The following RNF216 variants were observed in gnomAD, a reference collection of about 807,000 sequenced individuals.
RNF216 encodes the protein ring finger protein 216, also known as E3 ubiquitin-protein ligase RNF216.
A neutral mutation model predicts 110.8 loss-of-function variants in RNF216; 72 were observed. That is an observed-to-expected ratio of 0.65 (90% CI 0.54 to 0.79). The LOEUF is 0.79. Among genes scored for constraint, RNF216 ranks in the 30% least tolerant of loss-of-function variants. The pLI, the probability that RNF216 is intolerant of heterozygous loss-of-function variation, is 0.00. For synonymous variants in RNF216, 495 were observed against 407.5 expected, an observed-to-expected ratio of 1.21 and a Z score of -2.59; for missense variants, 1,342 against 1,141.2, an observed-to-expected ratio of 1.18 and a Z score of -2.54.
intron 13 of RNF216, among the ~76,000 whole-genome samples, chr7:5,666,959 C>G (rs2128591152): frequency 6.6e-6 from 1 of 152,200 alleles, no homozygotes; most frequent in East Asian, 1.9e-4. Context: ...TGACCACAGG[C>G]ACATGCCACC....
chr7:5,740,507 A>C (rs1794694311), intron 4 of RNF216, among the ~76,000 whole-genome samples: 1 of 152,270 alleles, frequency 6.6e-6, no homozygotes, highest in South Asian at 2.1e-4. Flanking sequence ...TGATGAGGTA[A>C]GCTGTTAGCC....
intron 7 of RNF216, among the ~76,000 whole-genome samples, chr7:5,727,815 C>T (rs1310418332): frequency 2.6e-5 from 4 of 151,896 alleles, no homozygotes; most frequent in Non-Finnish European, 5.9e-5. Context: ...CTGCCTCCTC[C>T]GCTTGGTCTT....
intron 13 of RNF216, among the ~76,000 whole-genome samples, chr7:5,710,429 T>C (rs141829014): frequency 0.022 from 3,347 of 151,832 alleles, 51 homozygotes; most frequent in Middle Eastern, 0.052. Flanking sequence ...TTCTTTGGCC[T>C]TCCCAATTGT....
chr7:5,747,857 C>T (rs1795116852), intron 3 of RNF216, among the ~76,000 whole-genome samples: 1 of 150,802 alleles, frequency 6.6e-6, no homozygotes, highest in Admixed American at 6.6e-5. Context: ...TAGCTCACTA[C>T]AGCCTTGAAT....
intron 13 of RNF216, among the ~76,000 whole-genome samples, chr7:5,703,204 T>G (rs2128622385): frequency 6.6e-6 from 1 of 152,304 alleles, no homozygotes; most frequent in Middle Eastern, 3.4e-3. Context: ...TAAAAATCTT[T>G]TTGTTACCCA....
chr7:5,690,423 C>CT (rs1002588962), intron 13 of RNF216, among the ~76,000 whole-genome samples: 46 of 151,938 alleles, frequency 3.0e-4, no homozygotes, highest in Non-Finnish European at 6.0e-4. Flanking sequence ...GTTTTGGTGA[C>CT]TGACTGCTTT....
chr7:5,676,325 G>C (rs1229837786), intron 13 of RNF216, among the ~76,000 whole-genome samples: 1 of 152,150 alleles, frequency 6.6e-6, no homozygotes, highest in African/African-American at 2.4e-5. Context: ...CCATGCCAAA[G>C]AAATTTCTTT....
intron 3 of RNF216, among the ~76,000 whole-genome samples, chr7:5,743,782 G>A (rs1014952384): frequency 6.6e-6 from 1 of 152,194 alleles, no homozygotes; most frequent in African/African-American, 2.4e-5. Context: ...GCTTTAGGGT[G>A]GGTCCCTGAG....
intron 13 of RNF216, among the ~76,000 whole-genome samples, chr7:5,666,165 C>CAAA (rs575439935): frequency 1.5e-5 from 1 of 65,494 alleles, no homozygotes; most frequent in Non-Finnish European, 3.4e-5. Flanking sequence ...GACTCCGTCT[C>CAAA]AAAAAAAAAA....
At chr7:5,623,316 C>T in intron 16 of RNF216, 137 bp from the exon 17 acceptor site, 3 of 648,440 alleles carry the variant, frequency 4.6e-6, no homozygotes, top group Non-Finnish European at 5.0e-6. Context: ...GGACACCTCC[C>T]AAATGCCACT....
Position 5,775,626 on chromosome 7 carries a change from T to C in RNF216, c.-70+5915A>G, listed in dbSNP as rs558303167. Among the ~76,000 whole-genome samples the C allele has an allele frequency of 2.6e-5, 4 of 151,908 alleles. No homozygotes were observed. The East Asian group carries it at 7.7e-4, about 29-fold the overall frequency. Reference sequence around the variant, plus strand: ...GGCTCACACCTGTAATCCCAAAACTTTGAGAGGCCGAGGTGAGTGGATTAT... The same window carrying C: ...GGCTCACACCTGTAATCCCAAAACTCTGAGAGGCCGAGGTGAGTGGATTAT... On this transcript the variant is annotated intron_variant, in intron 1 of 16. Transcript: ENST00000389902.
intron 13 of RNF216, among the ~76,000 whole-genome samples, chr7:5,663,452 C>T (rs561845081): frequency 6.6e-6 from 1 of 152,072 alleles, no homozygotes; most frequent in East Asian, 1.9e-4. Context: ...GGTGTGGTGG[C>T]GTTCGCCTGT....
rs1472179313 is a variant in RNF216, at chr7:5,624,402, G to T, written c.2383-277C>A. On this transcript the variant is annotated intron_variant, in intron 15 of 16. Transcript: ENST00000389902. The surrounding 1 kb of genome is among the most constrained non-coding windows in gnomAD (Gnocchi z 4.4). ...CTGCCTGGTGAGGTGGGGGGATGGA[G>T]GGCCTCCATGCACTGAGCTGCGTGC... Among the ~76,000 whole-genome samples the T allele has an allele frequency of 2.6e-5, 4 of 152,252 alleles. No homozygotes were observed. The highest frequency in any genetic ancestry group is 9.6e-5 in the African/African-American group (4 of 41,472).
At chr7:5,773,816 C>T (rs899139133) in intron 1 of RNF216, among the ~76,000 whole-genome samples, 6 of 152,200 alleles carry the variant, frequency 3.9e-5, no homozygotes, top group African/African-American at 1.4e-4. Context: ...ATCTGCCTGC[C>T]TCAGCCTCCC....
intron 15 of RNF216, among the ~76,000 whole-genome samples, chr7:5,629,011 A>G (rs1302975685): frequency 6.6e-6 from 1 of 152,006 alleles, no homozygotes; most frequent in Non-Finnish European, 1.5e-5. Flanking sequence ...CAGTGTGGCT[A>G]ACACGGTGAA....
chr7:5,663,660 G>T (rs1473570054), intron 13 of RNF216, among the ~76,000 whole-genome samples: 1 of 151,386 alleles, frequency 6.6e-6, no homozygotes, highest in African/African-American at 2.4e-5. Flanking sequence ...CAGCACTTTG[G>T]GAGGCTGAGG....
At chr7:5,725,517 T>C (rs1362787547) in intron 7 of RNF216, 79 bp from the exon 8 acceptor site, 1 of 830,938 alleles carries the variant, frequency 1.2e-6, no homozygotes, top group Non-Finnish European at 2.0e-6. Context: ...CTGAATGCCA[T>C]TTTAACACAG....
At chr7:5,661,572 T>G (rs2128586010) in intron 13 of RNF216, among the ~76,000 whole-genome samples, 1 of 151,964 alleles carries the variant, frequency 6.6e-6, no homozygotes, top group East Asian at 1.9e-4. Context: ...GGAGGCCGAG[T>G]AGGGTGGATC....
chr7:5,651,145 T>G (rs1037982321), intron 14 of RNF216, among the ~76,000 whole-genome samples: 9 of 152,260 alleles, frequency 5.9e-5, no homozygotes, highest in Middle Eastern at 3.4e-3. Context: ...TGGGTTTGAG[T>G]GTAAATGTGG....
Sources: allele counts gnomAD v4.1 joint callset (sites outside exome capture counted in the v4.1 genomes callset), GRCh38; gene constraint gnomAD v4.1.1; non-coding constraint Gnocchi (gnomAD v3.1); transcripts MANE v1.5; gene names NCBI Gene and HGNC (gene_info 2026-07-23, HGNC 2026-07-21).